Variants in PPFIA1 observed in about 807,000 individuals in gnomAD.
PPFIA1 encodes the protein PPFI scaffold protein A1.
In PPFIA1, 25 loss-of-function variants were observed where a neutral mutation model predicts 149.9. The ratio of observed to expected loss-of-function variants is 0.17; its 90% CI spans 0.12 to 0.23. The LOEUF (loss-of-function observed/expected upper bound fraction) is 0.23, where lower values mean the gene tolerates loss of function less well. Ranked by LOEUF, PPFIA1 falls within the 10% of genes least tolerant of loss-of-function variation. The pLI is 1.00. For synonymous variants in PPFIA1, 549 were observed against 552.8 expected (o/e 0.99, Z 0.10); for missense variants, 1,362 against 1,506.5 (o/e 0.90, Z 1.59).
intron 7 of PPFIA1, among the ~76,000 whole-genome samples, chr11:70,328,570 T>C (rs751704112): frequency 7.2e-5 from 11 of 152,202 alleles, no homozygotes; most frequent in Non-Finnish European, 1.2e-4. Flanking sequence ...AATACAACGA[T>C]TTATATTCCT....
chr11:70,290,612 A>G (rs1014346154), intron 2 of PPFIA1, among the ~76,000 whole-genome samples: 1 of 152,212 alleles, frequency 6.6e-6, no homozygotes, highest in Non-Finnish European at 1.5e-5. Context: ...AGGTCCAACC[A>G]TGGAGTTCAT....
At chr11:70,320,854 G>A (rs558250935) in intron 2 of PPFIA1, among the ~76,000 whole-genome samples, 46 of 152,268 alleles carry the variant, frequency 3.0e-4, no homozygotes, top group African/African-American at 1.1e-3. Flanking sequence ...TGCAAGGCCT[G>A]GGATGAGCCA....
At chr11:70,301,604 AC>A (rs2052488720) in intron 2 of PPFIA1, among the ~76,000 whole-genome samples, 1 of 152,356 alleles carries the variant, frequency 6.6e-6, no homozygotes, top group African/African-American at 2.4e-5. Context: ...TCTTTTGAGT[AC>A]CTAGCATATA....
intron 2 of PPFIA1, among the ~76,000 whole-genome samples, chr11:70,272,899 T>A (rs1322286352): frequency 6.6e-6 from 1 of 152,192 alleles, no homozygotes; most frequent in South Asian, 2.1e-4. Flanking sequence ...TATCAGAACA[T>A]CTAGGTTTTG....
At position 70,376,383 on chromosome 11, in the gene PPFIA1, T is replaced by C. The variant is rs564039505; in HGVS notation, c.3316-149T>C. 4.0e-4 allele frequency: 293 copies of C among 729,856 alleles called. 1 individual carries two copies. The Middle Eastern group carries it at 8.6e-3, about 21-fold the overall frequency. The allele number at this position is 729,856 out of a possible 1,614,324, so 45.2% of individuals were successfully genotyped here. A position where few individuals can be genotyped will look rare whatever the true frequency, so the allele number is the denominator to read the frequency against. ...CTCAGGTGGTCTGTCCGCCTTGGCG[T>C]CCGAAAGTGTTGGAATTACAGGCGT... On this transcript the variant is annotated intron_variant, in intron 24 of 27. Coordinates refer to ENST00000253925, the MANE Select transcript of PPFIA1 (RefSeq NM_003626.5).
intron 7 of PPFIA1, chr11:70,327,574 A>G (rs1388968926): frequency 1.3e-5 from 2 of 152,250 alleles, no homozygotes; most frequent in Admixed American, 1.3e-4. Flanking sequence ...GATCGAGACC[A>G]TCCTGGCTAA....
At chr11:70,370,137 G>T (rs2057157881) in intron 21 of PPFIA1, among the ~76,000 whole-genome samples, 1 of 151,832 alleles carries the variant, frequency 6.6e-6, no homozygotes, top group South Asian at 2.1e-4. Flanking sequence ...TTTTAGTAGA[G>T]AAGAGGTTTC....
chr11:70,295,537 G>A (rs1462795883), intron 2 of PPFIA1, among the ~76,000 whole-genome samples: 3 of 143,656 alleles, frequency 2.1e-5, no homozygotes, highest in Non-Finnish European at 4.6e-5. Context: ...CTCCCGGACG[G>A]GGCGGCTGGC....
At chr11:70,372,821 C>T (rs565181816) in intron 23 of PPFIA1, among the ~76,000 whole-genome samples, 44 of 152,310 alleles carry the variant, frequency 2.9e-4, no homozygotes, top group Middle Eastern at 3.4e-3. Flanking sequence ...TCCGGCTAGT[C>T]GTTTCCTGTG....
intron 2 of PPFIA1, among the ~76,000 whole-genome samples, chr11:70,285,572 C>T (rs147177130): frequency 4.6e-5 from 7 of 150,992 alleles, no homozygotes; most frequent in South Asian, 2.1e-4. Flanking sequence ...CCCAGCTACT[C>T]GGGAGTCTGA....
At chr11:70,366,265 C>A (rs1407818362) in intron 21 of PPFIA1, among the ~76,000 whole-genome samples, 1 of 152,128 alleles carries the variant, frequency 6.6e-6, no homozygotes, top group Non-Finnish European at 1.5e-5. Context: ...TAGGCAGCTT[C>A]TGAGATTATG....
chr11:70,360,305 T>C (rs2056573169), intron 19 of PPFIA1, among the ~76,000 whole-genome samples: 1 of 152,334 alleles, frequency 6.6e-6, no homozygotes, highest in Admixed American at 6.5e-5. Context: ...CTCCAAGTAA[T>C]AGAAGTAAAG....
At chr11:70,302,226 G>GGAA (rs2052532302) in intron 2 of PPFIA1, among the ~76,000 whole-genome samples, 1 of 152,224 alleles carries the variant, frequency 6.6e-6, no homozygotes, top group South Asian at 2.1e-4. Flanking sequence ...GGCAGCAGTG[G>GGAA]GAAGAGAGGC....
At chr11:70,365,935 C>G in intron 21 of PPFIA1, 1 of 456,614 alleles carries the variant, frequency 2.2e-6, no homozygotes, top group Non-Finnish European at 4.4e-6. Flanking sequence ...AACCACGTAA[C>G]CCCAGGAAGA....
At chr11:70,284,791 G>GC (rs2050995956) in intron 2 of PPFIA1, among the ~76,000 whole-genome samples, 1 of 152,116 alleles carries the variant, frequency 6.6e-6, no homozygotes, top group Admixed American at 6.5e-5. Context: ...CTGAGTCAAA[G>GC]CTGGGGTCTG....
intron 11 of PPFIA1, among the ~76,000 whole-genome samples, chr11:70,335,975 A>T (rs4980780): frequency 0.21 from 32,465 of 152,134 alleles, 3,684 homozygotes; most frequent in South Asian, 0.27. Context: ...GATTGTAAAT[A>T]TTTTAGGCTT....
At chr11:70,342,936 C>CTTTTTTTTTTTTTTTTTTTTTTTTT (rs71463672) in intron 14 of PPFIA1, among the ~76,000 whole-genome samples, 1 of 78,172 alleles carries the variant, frequency 1.3e-5, no homozygotes, top group African/African-American at 6.2e-5. Flanking sequence ...AATGTACCAC[C>CTTTTTTTTTTTTTTTTTTTTTTTTT]TTTTTTTTTT....
chr11:70,365,796 C>A (rs1042208436), intron 21 of PPFIA1: 1 of 374,846 alleles, frequency 2.7e-6, no homozygotes, highest in African/African-American at 2.1e-5. Flanking sequence ...GTTGGTTTTG[C>A]ATGAGTTTTG....
At chr11:70,335,719 T>C (rs773961863) in intron 11 of PPFIA1, 25 bp downstream of exon 11, 4 of 1,612,516 alleles carry the variant, frequency 2.5e-6, no homozygotes, top group East Asian at 4.5e-5. Flanking sequence ...ACGGACATGC[T>C]GGAGCTTTCC....
Sources: allele counts gnomAD v4.1 joint callset (sites outside exome capture counted in the v4.1 genomes callset), GRCh38; gene constraint gnomAD v4.1.1; transcripts MANE v1.5; gene names NCBI Gene and HGNC (gene_info 2026-07-23, HGNC 2026-07-21).